The following CACNB2 variants were observed in gnomAD, a reference collection of about 807,000 sequenced individuals.
CACNB2 encodes the protein calcium voltage-gated channel auxiliary subunit beta 2.
A neutral mutation model predicts 73.3 loss-of-function variants in CACNB2; 42 were observed. That is an observed-to-expected ratio of 0.57 (90% confidence interval 0.45 to 0.74). The LOEUF (loss-of-function observed/expected upper bound fraction) is 0.74, where lower values mean the gene tolerates loss of function less well. CACNB2 is among the 30% of genes least tolerant of loss of function. The pLI is 0.00. For missense variants in CACNB2, 940 were observed against 853.0 expected (o/e 1.10, Z -1.27); for synonymous variants, 348 against 310.3 (o/e 1.12, Z -1.28).
At chr10:18,256,649 T>C (rs1178562375) in intron 2 of CACNB2, 1 of 152,216 alleles carries the variant, frequency 6.6e-6, no homozygotes, top group African/African-American at 2.4e-5. Context: ...GCTTTTAAAA[T>C]CCATGTTTAG....
At chr10:18,348,693 G>A (rs1308545873) in intron 2 of CACNB2, among the ~76,000 whole-genome samples, 2 of 152,126 alleles carry the variant, frequency 1.3e-5, no homozygotes, top group Non-Finnish European at 2.9e-5. Flanking sequence ...AGTAGAGATG[G>A]TGTTTCACCA....
intron 2 of CACNB2, among the ~76,000 whole-genome samples, chr10:18,393,457 A>G (rs1029906599): frequency 6.6e-6 from 1 of 152,156 alleles, no homozygotes; most frequent in Non-Finnish European, 1.5e-5. Flanking sequence ...TAGCCATCAT[A>G]CCCTCATGTT....
In CACNB2 at chr10:18,307,628, T is replaced by G. The variant is rs148353866; in HGVS notation, c.214-94296T>G. ...ACAGTGATGGCTTATAAAGGAGACA[T>G]GTCCAATAAATATTTGTTGCATGAA... On this transcript the variant is annotated intron_variant, in intron 2 of 13. Transcript: ENST00000324631. Among the ~76,000 whole-genome samples, 388 of 152,292 alleles carry G rather than the reference T, an allele frequency of 2.5e-3. 2 individuals are homozygous for G. Among genetic ancestry groups the G allele is most frequent in the African/African-American group, 8.9e-3 (370 of 41,566 alleles).
intron 3 of CACNB2, among the ~76,000 whole-genome samples, chr10:18,451,468 T>C (rs1322076013): frequency 6.6e-6 from 1 of 152,238 alleles, no homozygotes. Flanking sequence ...ATCTGCCACA[T>C]CAGTTTAGCA....
At chr10:18,529,327 AAT>A (rs1462626954) in intron 10 of CACNB2, among the ~76,000 whole-genome samples, 15 of 152,222 alleles carry the variant, frequency 9.9e-5, no homozygotes, top group Admixed American at 8.5e-4. Flanking sequence ...CTAGATACCA[AAT>A]ATCATGTGGA....
Position 18,343,145 on chromosome 10 carries a change from A to G in CACNB2, c.214-58779A>G, listed in dbSNP as rs909667296. Among the ~76,000 whole-genome samples, 6 of 152,292 alleles carry G rather than the reference A, an allele frequency of 3.9e-5. No individual in the cohort carries two copies. The South Asian group carries it at 6.2e-4, about 16-fold the overall frequency. On this transcript the variant is annotated intron_variant, in intron 2 of 13. Transcript: ENST00000324631. The stretch of plus-strand genomic sequence containing the variant: ...GATCAGTCTAACTAGTTTTAAGTGC[A>G]TAATTTATTTATGAATCCTGGTATC...
chr10:18,286,724 A>G (rs1410354930), intron 2 of CACNB2, among the ~76,000 whole-genome samples: 2 of 152,150 alleles, frequency 1.3e-5, no homozygotes, highest in Non-Finnish European at 2.9e-5. Flanking sequence ...ATTGTGATAT[A>G]TGTGAAAATA....
intron 4 of CACNB2, among the ~76,000 whole-genome samples, chr10:18,499,362 A>G (rs2050038216): frequency 6.6e-6 from 1 of 152,174 alleles, no homozygotes; most frequent in South Asian, 2.1e-4. Flanking sequence ...TCATGCCTGT[A>G]ATCCCAACAC....
chr10:18,405,199 C>A (rs1428806157), intron 3 of CACNB2, among the ~76,000 whole-genome samples: 1 of 152,150 alleles, frequency 6.6e-6, no homozygotes, highest in Non-Finnish European at 1.5e-5. Flanking sequence ...TCACTATAAT[C>A]AGTTTTAGAG....
At chr10:18,316,107 C>T (rs2040173186) in intron 2 of CACNB2, among the ~76,000 whole-genome samples, 2 of 152,124 alleles carry the variant, frequency 1.3e-5, no homozygotes, top group South Asian at 2.1e-4. Flanking sequence ...TCCAGGAGCA[C>T]ACCTCTGAGA....
intron 2 of CACNB2, among the ~76,000 whole-genome samples, chr10:18,199,422 G>A (rs1443762245): frequency 1.3e-5 from 2 of 152,170 alleles, no homozygotes; most frequent in South Asian, 2.1e-4. Flanking sequence ...ACCAGAGAAG[G>A]CTTCTGAGCA....
chr10:18,183,987 T>C (rs2034022900), intron 2 of CACNB2, among the ~76,000 whole-genome samples: 1 of 152,236 alleles, frequency 6.6e-6, no homozygotes, highest in Non-Finnish European at 1.5e-5. Context: ...ACCTATCTAA[T>C]TGAGTTGTTG....
In CACNB2 at chr10:18,321,463, G is replaced by C. The variant is rs546246788; in HGVS notation, c.214-80461G>C. Among the ~76,000 whole-genome samples the C allele has an allele frequency of 5.3e-5, 8 of 152,274 alleles. No homozygotes were observed. The South Asian group carries it at 1.0e-3, about 20-fold the overall frequency. ...GAAAAAAAAATGAATAAGACCTACT[G>C]TTTGACAGCACAATAGGGTGACTAT... On this transcript the variant is annotated intron_variant, in intron 2 of 13. Transcript: ENST00000324631.
At chr10:18,327,008 C>A (rs1337663299) in intron 2 of CACNB2, among the ~76,000 whole-genome samples, 1 of 151,864 alleles carries the variant, frequency 6.6e-6, no homozygotes, top group Admixed American at 6.6e-5. Context: ...GGATTACAGG[C>A]GTGAGTCACT....
chr10:18,426,918 A>T (rs146809590), intron 3 of CACNB2, among the ~76,000 whole-genome samples: 1 of 148,254 alleles, frequency 6.7e-6, no homozygotes, highest in African/African-American at 2.5e-5. Flanking sequence ...AAAAATTATG[A>T]ATTGGTACTG....
At position 18,506,683 on chromosome 10, in the gene CACNB2, A is replaced by AAC. The variant is rs200375169; in HGVS notation, c.670+136_670+137insAC. 0.19 allele frequency: 134,082 copies of AAC among 699,232 alleles called. 14,048 individuals carry two copies. The highest frequency in any genetic ancestry group is 0.35 in the East Asian group (13,013 of 36,900). The allele number at this position is 699,232 out of a possible 1,614,324, so 43.3% of individuals were successfully genotyped here. A position where few individuals can be genotyped will look rare whatever the true frequency, so the allele number is the denominator to read the frequency against. ...ATGTTAAAAGGAATCAGAAGTGAGC[A>AAC]TGCCCTTTTGGAGTTACAAACAATA... On this transcript the variant is annotated intron_variant, in intron 6 of 13. Coordinates refer to ENST00000324631, the MANE Select transcript of CACNB2 (RefSeq NM_201596.3).
At position 18,315,270 on chromosome 10, in the gene CACNB2, G is replaced by C. The variant is rs142500710; in HGVS notation, c.214-86654G>C. ...AATTGCTCAAACTTGGGAGGTGGAG[G>C]TTGCAGTGAGCCAAGATCACACCAC... On this transcript the variant is annotated intron_variant, in intron 2 of 13. Coordinates refer to ENST00000324631, the MANE Select transcript of CACNB2 (RefSeq NM_201596.3). Among the ~76,000 whole-genome samples the C allele has an allele frequency of 5.4e-3, 824 of 151,996 alleles. 26 individuals carry two copies. The highest frequency in any genetic ancestry group is 0.049 in the Admixed American group (752 of 15,258).
At chr10:18,390,531 A>G (rs1048776844) in intron 2 of CACNB2, among the ~76,000 whole-genome samples, 2 of 152,166 alleles carry the variant, frequency 1.3e-5, no homozygotes, top group Non-Finnish European at 2.9e-5. Flanking sequence ...TTTCTTTGGT[A>G]GTAGAGAGTC....
intron 2 of CACNB2, among the ~76,000 whole-genome samples, chr10:18,262,963 A>T (rs2037624276): frequency 6.6e-6 from 1 of 152,226 alleles, no homozygotes; most frequent in African/African-American, 2.4e-5. Context: ...CTCATTCTCA[A>T]ATATTTTTAC....
Sources: gnomAD v4.1 joint callset for allele counts (sites outside exome capture counted in the v4.1 genomes callset) on GRCh38, gnomAD v4.1.1 for gene constraint, MANE v1.5 for transcripts, NCBI Gene and HGNC (gene_info 2026-07-23, HGNC 2026-07-21) for gene names.